Variants in PLCL1 observed in about 807,000 individuals in gnomAD.
PLCL1 encodes phospholipase C like 1 (inactive).
PLCL1 carries 41 observed loss-of-function variants against 84.4 expected under a neutral mutation model. The observed-to-expected ratio is 0.49, with a 90% CI of 0.38 to 0.63. The LOEUF is 0.63. PLCL1 is among the 30% of genes least tolerant of loss of function. The pLI is 0.00. For missense variants in PLCL1, 1,206 were observed against 1,367.8 expected (o/e 0.88, Z 1.87); for synonymous variants, 490 against 488.3 (o/e 1.00, Z -0.05).
intron 1 of PLCL1, among the ~76,000 whole-genome samples, chr2:197,820,363 C>T: frequency 6.6e-6 from 1 of 152,054 alleles, no homozygotes; most frequent in East Asian, 1.9e-4. Context: ...TATTGTGTTC[C>T]TCTGTGCATT....
intron 1 of PLCL1, among the ~76,000 whole-genome samples, chr2:197,922,764 G>C (rs1304736185): frequency 8.1e-6 from 1 of 123,890 alleles, no homozygotes; most frequent in Admixed American, 7.8e-5. Context: ...GGGGTGGCTG[G>C]CCGGGCAGGG....
chr2:197,875,977 A>G (rs1165621887), intron 1 of PLCL1, among the ~76,000 whole-genome samples: 5 of 152,198 alleles, frequency 3.3e-5, no homozygotes, highest in African/African-American at 4.8e-5. Flanking sequence ...CTGTCTGACT[A>G]TATAACACTG....
At chr2:197,849,673 T>C (rs1252105414) in intron 1 of PLCL1, among the ~76,000 whole-genome samples, 1 of 152,192 alleles carries the variant, frequency 6.6e-6, no homozygotes, top group Non-Finnish European at 1.5e-5. Context: ...AAATGTTTTT[T>C]TTCTTGAAAT....
intron 1 of PLCL1, among the ~76,000 whole-genome samples, chr2:197,807,353 A>T (rs1464831375): frequency 2.5e-5 from 1 of 40,052 alleles, no homozygotes; most frequent in East Asian, 4.2e-4. Context: ...TCTACAAAAA[A>T]ATCTGGCTAG....
chr2:197,871,331 G>A (rs1425456435), intron 1 of PLCL1, among the ~76,000 whole-genome samples: 1 of 151,984 alleles, frequency 6.6e-6, no homozygotes, highest in Non-Finnish European at 1.5e-5. Flanking sequence ...TTCTTAGAAT[G>A]AGGTTCATAA....
At chr2:197,811,984 G>C (rs1161834566) in intron 1 of PLCL1, among the ~76,000 whole-genome samples, 2 of 152,050 alleles carry the variant, frequency 1.3e-5, no homozygotes, top group African/African-American at 4.8e-5. Context: ...CCTTCGAGTA[G>C]TCCCCAGTAT....
At chr2:197,850,101 C>G (rs1687205538) in intron 1 of PLCL1, among the ~76,000 whole-genome samples, 1 of 151,738 alleles carries the variant, frequency 6.6e-6, no homozygotes, top group South Asian at 2.1e-4. Context: ...GGAAGCCTGG[C>G]TCAGTCACCA....
chr2:197,852,932 A>G (rs1303687029), intron 1 of PLCL1, among the ~76,000 whole-genome samples: 2 of 152,148 alleles, frequency 1.3e-5, no homozygotes, highest in Non-Finnish European at 2.9e-5. Context: ...AAGTACATTC[A>G]CATTGTTCTG....
At chr2:198,040,285 A>G (rs979646571) in intron 1 of PLCL1, among the ~76,000 whole-genome samples, 4 of 152,062 alleles carry the variant, frequency 2.6e-5, no homozygotes, top group African/African-American at 9.7e-5. Flanking sequence ...CTTGGGCTTC[A>G]TGTTTTGGAC....
chr2:198,091,939 G>A (rs1016476412), intron 3 of PLCL1, among the ~76,000 whole-genome samples: 4 of 148,648 alleles, frequency 2.7e-5, no homozygotes, highest in East Asian at 2.0e-4. Context: ...AACCTCATCC[G>A]CCTCTCACAA....
At chr2:197,947,810 G>T (rs1340645266) in intron 1 of PLCL1, among the ~76,000 whole-genome samples, 1 of 152,128 alleles carries the variant, frequency 6.6e-6, no homozygotes, top group Admixed American at 6.6e-5. Context: ...AATCTGGGTG[G>T]CACTTAAGTA....
At chr2:197,898,964 C>CA (rs1688210442) in intron 1 of PLCL1, among the ~76,000 whole-genome samples, 1 of 152,144 alleles carries the variant, frequency 6.6e-6, no homozygotes, top group Admixed American at 6.5e-5. Context: ...TTATTGCCAT[C>CA]ACCTCAATGA....
At chr2:197,877,141 G>A (rs748512217) in intron 1 of PLCL1, among the ~76,000 whole-genome samples, 3 of 152,064 alleles carry the variant, frequency 2.0e-5, no homozygotes, top group Non-Finnish European at 4.4e-5. Context: ...ATGTGGAAAC[G>A]GTATTTTGCA....
chr2:197,939,925 C>G (rs925940246), intron 1 of PLCL1, among the ~76,000 whole-genome samples: 1 of 152,060 alleles, frequency 6.6e-6, no homozygotes, highest in Non-Finnish European at 1.5e-5. Flanking sequence ...CCAAAAACAG[C>G]ACATACCAAT....
chr2:197,993,467 C>G (rs1291835836), intron 1 of PLCL1, among the ~76,000 whole-genome samples: 1 of 152,166 alleles, frequency 6.6e-6, no homozygotes, highest in Non-Finnish European at 1.5e-5. Context: ...ATGGCACACT[C>G]CAGTGGAGGA....
At chr2:197,981,938 C>T (rs1271243827) in intron 1 of PLCL1, among the ~76,000 whole-genome samples, 2 of 151,978 alleles carry the variant, frequency 1.3e-5, no homozygotes, top group African/African-American at 4.8e-5. Flanking sequence ...TGCATATTTA[C>T]TTAGAATTAT....
At chr2:197,966,691 G>T (rs2105793904) in intron 1 of PLCL1, among the ~76,000 whole-genome samples, 1 of 152,140 alleles carries the variant, frequency 6.6e-6, no homozygotes, top group African/African-American at 2.4e-5. Flanking sequence ...CCAATATGAA[G>T]TTAAAACCAG....
chr2:197,931,921 C>G (rs1341005849), intron 1 of PLCL1, among the ~76,000 whole-genome samples: 1 of 152,134 alleles, frequency 6.6e-6, no homozygotes, highest in Non-Finnish European at 1.5e-5. Context: ...GGTCATTTTA[C>G]ATAATTTACA....
chr2:198,135,426 G>T (rs1292065036), intron 5 of PLCL1, among the ~76,000 whole-genome samples: 3 of 152,156 alleles, frequency 2.0e-5, no homozygotes, highest in African/African-American at 7.2e-5. Flanking sequence ...CACAATAATG[G>T]GAAGGAAAGA....
Sources: gnomAD v4.1 joint callset for allele counts (sites outside exome capture counted in the v4.1 genomes callset) on GRCh38, gnomAD v4.1.1 for gene constraint, MANE v1.5 for transcripts, NCBI Gene and HGNC (gene_info 2026-07-23, HGNC 2026-07-21) for gene names.